MTMR9: variants seen among roughly 807,000 people sequenced by gnomAD.
MTMR9 encodes the protein myotubularin related protein 9.
Under a neutral mutation model 69.5 loss-of-function variants are expected in MTMR9, and 39 were observed. That is an observed-to-expected ratio of 0.56 (90% CI 0.43 to 0.73). The LOEUF (loss-of-function observed/expected upper bound fraction) is 0.73, where lower values mean the gene tolerates loss of function less well. Ranked by LOEUF, MTMR9 falls within the 30% of genes least tolerant of loss-of-function variation. MTMR9 has a pLI of 0.00. For missense variants in MTMR9, 900 were observed against 671.2 expected (o/e 1.34, Z -3.77); for synonymous variants, 354 against 240.8 (o/e 1.47, Z -4.35).
At chr8:11,288,389 G>A (rs796935140) in intron 1 of MTMR9, among the ~76,000 whole-genome samples, 1 of 144,470 alleles carries the variant, frequency 6.9e-6, no homozygotes, top group African/African-American at 2.6e-5. Context: ...GGTAATAAGG[G>A]CCAGGAAGGA....
chr8:11,332,037 A>T (rs974279601), downstream of MTMR9: 1 of 1,611,900 alleles, frequency 6.2e-7, no homozygotes, highest in Non-Finnish European at 8.5e-7. Flanking sequence ...TTCTGACATC[A>T]TGGGGGCAGG....
Position 11,306,343 on chromosome 8 carries a change from G to A in MTMR9, c.745G>A (p.Gly249Arg). Reference sequence around the variant, plus strand: ...CGTGGCTCAGCAAACTAGAGCCAAAGGAGGTGGCTTTGAACAAGAAGCTCA... The same window carrying A: ...CGTGGCTCAGCAAACTAGAGCCAAAAGAGGTGGCTTTGAACAAGAAGCTCA... ...LNVAQQTRAK[G>R]GGFEQEAHYP... Residue 249 changes from glycine (G) to arginine (R), a missense_variant, in exon 5 of 10, where the codon GGA becomes AGA. Gly to Arg is a moderately radical substitution (Grantham distance 125). Coordinates refer to ENST00000221086, the MANE Select transcript of MTMR9 (RefSeq NM_015458.4). The A allele has an allele frequency of 6.2e-7, 1 of 1,614,084 alleles. No homozygotes were observed. Among genetic ancestry groups the A allele is most frequent in the Non-Finnish European group, 8.5e-7 (1 of 1,179,962 alleles).
At chr8:11,309,151 G>A (rs1372593540) in intron 5 of MTMR9, among the ~76,000 whole-genome samples, 1 of 152,146 alleles carries the variant, frequency 6.6e-6, no homozygotes. Flanking sequence ...GTTGGGTAAG[G>A]CTGCTGATGG....
At chr8:11,336,600 A>T in the MTMR9 span, among the ~76,000 whole-genome samples, 1 of 152,230 alleles carries the variant, frequency 6.6e-6, no homozygotes, top group African/African-American at 2.4e-5. Context: ...ATTGATGTAG[A>T]TAAGTACTTT....
the MTMR9 span, among the ~76,000 whole-genome samples, chr8:11,339,314 G>C: frequency 6.6e-5 from 10 of 152,274 alleles, no homozygotes; most frequent in African/African-American, 1.7e-4. Flanking sequence ...TGGCAAATTT[G>C]TTCTTTTCAG....
intron 1 of MTMR9, among the ~76,000 whole-genome samples, chr8:11,286,064 T>C (rs1335952938): frequency 1.3e-5 from 2 of 150,874 alleles, no homozygotes; most frequent in Non-Finnish European, 3.0e-5. Context: ...GCGATTCTTC[T>C]GTCTCAGCCT....
chr8:11,312,311 A>T (rs1585127575), intron 6 of MTMR9, among the ~76,000 whole-genome samples: 1 of 151,684 alleles, frequency 6.6e-6, no homozygotes, highest in Non-Finnish European at 1.5e-5. Context: ...CAGCCTCCCA[A>T]AGTGCTGAGA....
intron 2 of MTMR9, among the ~76,000 whole-genome samples, chr8:11,295,854 G>T (rs2117373258): frequency 6.6e-6 from 1 of 152,214 alleles, no homozygotes; most frequent in Admixed American, 6.5e-5. Context: ...GAGTAGGTAG[G>T]GACTGGGGGG....
At chr8:11,292,666 G>A (rs1455670114) in intron 1 of MTMR9, among the ~76,000 whole-genome samples, 1 of 152,066 alleles carries the variant, frequency 6.6e-6, no homozygotes, top group Non-Finnish European at 1.5e-5. Context: ...CATCCATATA[G>A]TTTTCCCATT....
Position 11,326,980 on chromosome 8 carries a change from A to G in MTMR9, c.*4192A>G, listed in dbSNP as rs1477443895. ...GCAAGACTCCATCTCAAAAAAAAAAAAAAAAAAAGACTCATTTATCCATTT... is the reference window on the plus strand; with the variant it reads ...GCAAGACTCCATCTCAAAAAAAAAAGAAAAAAAAGACTCATTTATCCATTT... On this transcript the variant is annotated 3_prime_UTR_variant, in exon 10 of 10. Coordinates refer to ENST00000221086, the MANE Select transcript of MTMR9 (RefSeq NM_015458.4). 6.6e-6 allele frequency: 1 copy of G among 152,090 alleles called. No homozygotes were observed. Among genetic ancestry groups the G allele is most frequent in the African/African-American group, 2.4e-5 (1 of 41,410 alleles). The allele number at this position is 152,090 out of a possible 1,614,324, so 9.4% of individuals were successfully genotyped here.
intron 3 of MTMR9, among the ~76,000 whole-genome samples, chr8:11,304,375 A>G (rs1490057867): frequency 1.3e-5 from 2 of 152,228 alleles, no homozygotes; most frequent in Non-Finnish European, 2.9e-5. Flanking sequence ...TAAGAGGATC[A>G]TTAACAAACT....
intron 1 of MTMR9, among the ~76,000 whole-genome samples, chr8:11,286,101 C>A (rs893777993): frequency 1.3e-5 from 2 of 151,364 alleles, no homozygotes; most frequent in Admixed American, 6.6e-5. Flanking sequence ...TACAGGCACG[C>A]GCCACCACAC....
chr8:11,337,066 A>T, the MTMR9 span, among the ~76,000 whole-genome samples: 9 of 152,202 alleles, frequency 5.9e-5, 1 homozygote, highest in East Asian at 1.5e-3. Flanking sequence ...AGAGTTCTGG[A>T]CTGTTATCTA....
chr8:11,327,404 A>G lies in MTMR9; in HGVS notation c.*4616A>G, dbSNP rs1800982996. Reference sequence around the variant, plus strand: ...GTCTGCAGGTCTAAGGATTAACTATATTTGTGATTTGTAATAAAACTGAGT... The same window carrying G: ...GTCTGCAGGTCTAAGGATTAACTATGTTTGTGATTTGTAATAAAACTGAGT... On this transcript the variant is annotated 3_prime_UTR_variant, in exon 10 of 10. Coordinates refer to ENST00000221086, the MANE Select transcript of MTMR9 (RefSeq NM_015458.4). 1 of 152,172 alleles carries G rather than the reference A, an allele frequency of 6.6e-6. No homozygotes were observed. The highest frequency in any genetic ancestry group is 6.5e-5 in the Admixed American group (1 of 15,280). 9.4% of individuals were successfully genotyped at this position (152,172 alleles called of 1,614,324 possible). A position where few individuals can be genotyped will look rare whatever the true frequency, so the allele number is the denominator to read the frequency against.
At chr8:11,299,020 A>G (rs1022533810) in intron 2 of MTMR9, 1 of 434,360 alleles carries the variant, frequency 2.3e-6, no homozygotes, top group Admixed American at 6.4e-5. Flanking sequence ...ATTTCTACCT[A>G]TGTAGAGCAT....
chr8:11,338,447 T>C, the MTMR9 span, among the ~76,000 whole-genome samples: 1 of 152,144 alleles, frequency 6.6e-6, no homozygotes, highest in Non-Finnish European at 1.5e-5. Flanking sequence ...CCGGGCTCCA[T>C]AGTGTCAATG....
At chr8:11,299,180 A>G (rs1044858618) in intron 2 of MTMR9, among the ~76,000 whole-genome samples, 18 of 152,148 alleles carry the variant, frequency 1.2e-4, no homozygotes, top group Non-Finnish European at 2.2e-4. Flanking sequence ...ATACAAAAAA[A>G]TTAGCTGGGT....
intron 1 of MTMR9, among the ~76,000 whole-genome samples, chr8:11,289,747 G>T (rs1388405641): frequency 2.0e-5 from 3 of 152,176 alleles, no homozygotes; most frequent in Non-Finnish European, 4.4e-5. Context: ...TTATGTTGTA[G>T]ATCTTGTTCT....
chr8:11,301,652 G>A (rs1270169398), intron 3 of MTMR9, among the ~76,000 whole-genome samples: 1 of 152,144 alleles, frequency 6.6e-6, no homozygotes, highest in Non-Finnish European at 1.5e-5. Flanking sequence ...TGATTTCCTA[G>A]TATTGGGTGT....
Sources: allele counts gnomAD v4.1 joint callset (sites outside exome capture counted in the v4.1 genomes callset), GRCh38; gene constraint gnomAD v4.1.1; transcripts MANE v1.5; gene names NCBI Gene and HGNC (gene_info 2026-07-23, HGNC 2026-07-21).